MRPS28: variants seen among roughly 807,000 people sequenced by gnomAD.
The protein encoded by MRPS28 is mitochondrial ribosomal protein S28.
A neutral mutation model predicts 10.8 loss-of-function variants in MRPS28; 7 were observed. The ratio of observed to expected loss-of-function variants is 0.65; its 90% CI spans 0.37 to 1.22. The LOEUF is 1.22. MRPS28 is among the 50% of genes most tolerant of loss of function. MRPS28 has a pLI of 0.02. For synonymous variants in MRPS28, 121 were observed against 93.3 expected (o/e 1.30, Z -1.71); for missense variants, 265 against 232.9 (o/e 1.14, Z -0.90).
chr8:79,946,659 G>A lies in MRPS28; in HGVS notation c.396-27511C>T, dbSNP rs75297684. On this transcript the variant is annotated intron_variant, in intron 2 of 2. Coordinates refer to ENST00000276585, the MANE Select transcript of MRPS28 (RefSeq NM_014018.3). ...TGAGTGGTAGGATTTTGTTCTTTTC[G>A]CTCCTGTGTGATTTCTAAATTTTCT... is the stretch of plus-strand genomic sequence containing the variant. Among the ~76,000 whole-genome samples the A allele has an allele frequency of 9.2e-4, 139 of 151,906 alleles. 1 individual carries two copies. The East Asian group carries it at 0.012, about 13-fold the overall frequency.
chr8:79,932,395 G>A (rs1164369145), intron 2 of MRPS28, among the ~76,000 whole-genome samples: 2 of 152,174 alleles, frequency 1.3e-5, no homozygotes, highest in East Asian at 1.9e-4. Context: ...AAAGATGGGG[G>A]CAGAGCTTTT....
At chr8:79,944,966 A>G (rs1410042213) in intron 2 of MRPS28, among the ~76,000 whole-genome samples, 1 of 152,130 alleles carries the variant, frequency 6.6e-6, no homozygotes, top group Non-Finnish European at 1.5e-5. Flanking sequence ...AAGTGCTGGG[A>G]TTACAGGCAT....
At chr8:79,931,588 AC>A (rs1392853955) in intron 2 of MRPS28, among the ~76,000 whole-genome samples, 2 of 152,190 alleles carry the variant, frequency 1.3e-5, no homozygotes, top group Non-Finnish European at 2.9e-5. Flanking sequence ...CGTAGTTCCT[AC>A]CTCATAGGAT....
At chr8:79,976,904 A>C (rs1028493486) in intron 2 of MRPS28, among the ~76,000 whole-genome samples, 1 of 152,214 alleles carries the variant, frequency 6.6e-6, no homozygotes, top group Non-Finnish European at 1.5e-5. Flanking sequence ...ATAACCTTTA[A>C]GCCTACTTGC....
intron 2 of MRPS28, among the ~76,000 whole-genome samples, chr8:79,989,149 GGT>G (rs1808282121): frequency 1.3e-5 from 2 of 152,062 alleles, no homozygotes; most frequent in African/African-American, 4.8e-5. Flanking sequence ...ATGAATGAAC[GGT>G]AATTTGGGAA....
intron 1 of MRPS28, chr8:80,028,553 T>C (rs1394698704): frequency 1.3e-5 from 2 of 150,532 alleles, no homozygotes; most frequent in Non-Finnish European, 3.0e-5. Flanking sequence ...AGAATTAACT[T>C]TGCAGGTGGA....
intron 2 of MRPS28, among the ~76,000 whole-genome samples, chr8:79,995,488 C>T (rs115560542): frequency 7.8e-4 from 119 of 152,328 alleles, no homozygotes; most frequent in African/African-American, 2.8e-3. Context: ...ACTGCCCCTA[C>T]TGGAGGTGTT....
chr8:80,021,266 G>A (rs1283973748), intron 1 of MRPS28, among the ~76,000 whole-genome samples: 3 of 152,158 alleles, frequency 2.0e-5, no homozygotes, highest in South Asian at 2.1e-4. Context: ...CTCCCAAAGC[G>A]CTGGGATTAC....
intron 1 of MRPS28, among the ~76,000 whole-genome samples, chr8:80,007,456 C>G (rs989867805): frequency 2.6e-5 from 4 of 152,184 alleles, no homozygotes; most frequent in African/African-American, 9.6e-5. Context: ...AAAGGGTATT[C>G]AATTAGGAAA....
chr8:79,978,795 C>T (rs929816217), intron 2 of MRPS28, among the ~76,000 whole-genome samples: 4 of 152,014 alleles, frequency 2.6e-5, no homozygotes, highest in African/African-American at 9.7e-5. Flanking sequence ...AGTGGATAAC[C>T]ACCCCTTAGG....
At chr8:79,959,909 T>C (rs145599991) in intron 2 of MRPS28, among the ~76,000 whole-genome samples, 10 of 152,242 alleles carry the variant, frequency 6.6e-5, no homozygotes, top group African/African-American at 2.2e-4. Context: ...ATGTACTTTC[T>C]CTTCTTGAAA....
At position 80,020,655 on chromosome 8, in the gene MRPS28, G is replaced by A. The variant is rs1007229788; in HGVS notation, c.213+9381C>T. Among the ~76,000 whole-genome samples, 4 of 152,124 alleles carry A rather than the reference G, an allele frequency of 2.6e-5. 1 individual carries two copies. Among genetic ancestry groups the A allele is most frequent in the South Asian group, 4.1e-4 (2 of 4,826 alleles). On this transcript the variant is annotated intron_variant, in intron 1 of 2. Coordinates refer to ENST00000276585, the MANE Select transcript of MRPS28 (RefSeq NM_014018.3). ...TTTTTTCCTCCTAGCCTTGAGACCC[G>A]TTGCAATCTATACTAGGGAAGACCA...
chr8:80,022,087 T>A (rs1319243256), intron 1 of MRPS28, among the ~76,000 whole-genome samples: 2 of 152,184 alleles, frequency 1.3e-5, no homozygotes, highest in Non-Finnish European at 2.9e-5. Flanking sequence ...ACTCCACATA[T>A]CCCTTTTACC....
chr8:79,984,319 CA>C lies in MRPS28; in HGVS notation c.395+18679del, dbSNP rs774687344. Among the ~76,000 whole-genome samples, 4 of 152,348 alleles carry C rather than the reference CA, an allele frequency of 2.6e-5. No individual in the cohort carries two copies. In the South Asian group the frequency reaches 8.3e-4, roughly 32 times the overall value. On this transcript the variant is annotated intron_variant, in intron 2 of 2. Coordinates refer to ENST00000276585, the MANE Select transcript of MRPS28 (RefSeq NM_014018.3). The stretch of plus-strand genomic sequence containing the variant: ...CAACCAGTACTAGCTACTGCATAAT[CA>C]TGCCAAATTGTAAAGACCATCGAGG...
chr8:79,932,775 C>T (rs1257370681), intron 2 of MRPS28, among the ~76,000 whole-genome samples: 1 of 152,172 alleles, frequency 6.6e-6, no homozygotes, highest in Non-Finnish European at 1.5e-5. Flanking sequence ...TGCTGGCACG[C>T]CACATTCCCG....
intron 2 of MRPS28, among the ~76,000 whole-genome samples, chr8:79,969,593 T>C (rs1586066262): frequency 1.3e-5 from 2 of 152,052 alleles, no homozygotes; most frequent in South Asian, 4.1e-4. Context: ...ATGGAAAAGA[T>C]GGGGTAACGG....
intron 2 of MRPS28, among the ~76,000 whole-genome samples, chr8:79,922,057 G>A (rs1302024037): frequency 1.3e-5 from 2 of 151,998 alleles, no homozygotes; most frequent in Non-Finnish European, 2.9e-5. Context: ...TTTTGTCGTT[G>A]GTTCTGTTTA....
intron 2 of MRPS28, among the ~76,000 whole-genome samples, chr8:79,952,954 A>T (rs944139239): frequency 6.6e-6 from 1 of 152,224 alleles, no homozygotes; most frequent in Non-Finnish European, 1.5e-5. Flanking sequence ...AGATTATAAC[A>T]TTTTTAGAGA....
intron 1 of MRPS28, chr8:80,028,664 C>CGGGGGGGGGGGGGG (rs1278468176): frequency 0.011 from 76 of 7,056 alleles, no homozygotes; most frequent in Admixed American, 0.029. Flanking sequence ...GGGGCGGGGC[C>CGGGGGGGGGGGGGG]GGGCGGGGTC....
Sources: allele counts gnomAD v4.1 joint callset (sites outside exome capture counted in the v4.1 genomes callset), GRCh38; gene constraint gnomAD v4.1.1; transcripts MANE v1.5; gene names NCBI Gene and HGNC (gene_info 2026-07-23, HGNC 2026-07-21).